Variants in CNTN5 observed in about 807,000 individuals in gnomAD.
CNTN5 encodes the protein contactin-5.
In CNTN5, 77 loss-of-function variants were observed where a neutral mutation model predicts 129.1. The observed-to-expected ratio is 0.60, with a 90% CI of 0.50 to 0.72. The LOEUF is 0.72. Among genes scored for constraint, CNTN5 ranks in the 30% least tolerant of loss-of-function variants. The pLI, the probability that CNTN5 is intolerant of heterozygous loss-of-function variation, is 0.00. For missense variants in CNTN5, 1,478 were observed against 1,328.8 expected, an observed-to-expected ratio of 1.11 and a Z score of -1.75; for synonymous variants, 509 against 465.6, an observed-to-expected ratio of 1.09 and a Z score of -1.20.
chr11:99,692,202 A>G lies in CNTN5; in HGVS notation c.56-127342A>G, dbSNP rs543962208. On this transcript the variant is annotated intron_variant, in intron 3 of 24. Transcript: ENST00000524871. ...TTCGTGGTTCTTTATCCAACGTGCCACTCTGTGTCTTTTAATTGGGGCATT... is the reference window on the plus strand; with the variant it reads ...TTCGTGGTTCTTTATCCAACGTGCCGCTCTGTGTCTTTTAATTGGGGCATT... Among the ~76,000 whole-genome samples, 17 of 152,042 alleles carry G rather than the reference A, an allele frequency of 1.1e-4. No individual in the cohort carries two copies. The South Asian group carries it at 3.5e-3, about 32-fold the overall frequency.
intron 9 of CNTN5, among the ~76,000 whole-genome samples, chr11:100,015,635 T>C (rs1046694008): frequency 6.6e-6 from 1 of 152,192 alleles, no homozygotes; most frequent in African/African-American, 2.4e-5. Context: ...CTCTGGGTGG[T>C]GGTACGGAAA....
chr11:99,571,630 A>G (rs890172721), intron 3 of CNTN5, among the ~76,000 whole-genome samples: 3 of 152,202 alleles, frequency 2.0e-5, no homozygotes, highest in Non-Finnish European at 1.5e-5. Context: ...TCACTGAATT[A>G]ATTATTGCTT....
At chr11:99,382,016 G>A (rs1438705349) in intron 2 of CNTN5, among the ~76,000 whole-genome samples, 9 of 151,838 alleles carry the variant, frequency 5.9e-5, no homozygotes, top group African/African-American at 2.2e-4. Flanking sequence ...ACAAAAAACT[G>A]CAAGCTCTTG....
chr11:99,224,236 T>A (rs1860556983), intron 1 of CNTN5, among the ~76,000 whole-genome samples: 2 of 152,322 alleles, frequency 1.3e-5, no homozygotes, highest in South Asian at 4.1e-4. Context: ...AGAACTATAT[T>A]TCTATTTTTC....
Position 99,481,102 on chromosome 11 carries a change from T to TA in CNTN5, c.-70-75033dup, listed in dbSNP as rs1043295082. Among the ~76,000 whole-genome samples the TA allele has an allele frequency of 2.8e-3, 420 of 149,966 alleles. 2 individuals carry two copies. The highest frequency in any genetic ancestry group is 9.1e-3 in the African/African-American group (374 of 40,946). On this transcript the variant is annotated intron_variant, in intron 2 of 24. Coordinates refer to ENST00000524871, the MANE Select transcript of CNTN5 (RefSeq NM_014361.4). ...CTCAGTTCCACAGAGGATTGGCATT[T>TA]AAAAAAAAAAGAATATTGCAAGGAT...
chr11:99,790,248 A>T (rs1158476457), intron 3 of CNTN5, among the ~76,000 whole-genome samples: 2 of 152,042 alleles, frequency 1.3e-5, no homozygotes, highest in African/African-American at 4.8e-5. Context: ...TGTGTTTCAT[A>T]GGAGTTTGGT....
intron 1 of CNTN5, among the ~76,000 whole-genome samples, chr11:99,223,621 A>G (rs1347937542): frequency 6.6e-6 from 1 of 152,178 alleles, no homozygotes; most frequent in Non-Finnish European, 1.5e-5. Flanking sequence ...CCCTGTTTGC[A>G]TCATTCCAAC....
chr11:99,155,616 A>C (rs977665680), intron 1 of CNTN5, among the ~76,000 whole-genome samples: 1 of 152,168 alleles, frequency 6.6e-6, no homozygotes, highest in African/African-American at 2.4e-5. Context: ...TGGTAACTGA[A>C]ATTTAAATTT....
At chr11:99,980,976 CT>C (rs913470054) in intron 8 of CNTN5, among the ~76,000 whole-genome samples, 3 of 150,410 alleles carry the variant, frequency 2.0e-5, no homozygotes, top group South Asian at 4.2e-4. Context: ...TTAAAAGTAA[CT>C]TTTTTTCATA....
At chr11:100,091,858 AT>A (rs1461737188) in intron 13 of CNTN5, among the ~76,000 whole-genome samples, 4 of 152,086 alleles carry the variant, frequency 2.6e-5, no homozygotes, top group Non-Finnish European at 4.4e-5. Context: ...TTTTAAATGA[AT>A]TTTTGGAGTA....
intron 1 of CNTN5, among the ~76,000 whole-genome samples, chr11:99,144,950 T>G (rs1192404806): frequency 6.6e-6 from 1 of 152,194 alleles, no homozygotes; most frequent in Non-Finnish European, 1.5e-5. Context: ...CTTTTATTCC[T>G]TCAGAGGTGT....
chr11:99,077,298 A>G (rs540806424), intron 1 of CNTN5, among the ~76,000 whole-genome samples: 1 of 150,206 alleles, frequency 6.7e-6, no homozygotes, highest in Non-Finnish European at 1.5e-5. Context: ...AATTACAAGC[A>G]CAATGCTACT....
At chr11:100,217,004 C>T (rs564193283) in intron 15 of CNTN5, among the ~76,000 whole-genome samples, 2 of 152,298 alleles carry the variant, frequency 1.3e-5, no homozygotes, top group African/African-American at 4.8e-5. Flanking sequence ...CTAAACTCTT[C>T]AGCCCCATTT....
chr11:100,203,511 A>G (rs1373338931), intron 15 of CNTN5, among the ~76,000 whole-genome samples: 1 of 152,022 alleles, frequency 6.6e-6, no homozygotes, highest in Non-Finnish European at 1.5e-5. Context: ...TGTTTTATGC[A>G]GTTTTGGCCA....
intron 8 of CNTN5, among the ~76,000 whole-genome samples, chr11:99,976,606 ACT>A (rs1217040347): frequency 1.3e-5 from 2 of 152,184 alleles, no homozygotes; most frequent in African/African-American, 2.4e-5. Context: ...TGGGGCTTTC[ACT>A]CTCTGAAGCA....
intron 1 of CNTN5, among the ~76,000 whole-genome samples, chr11:99,313,080 G>A (rs1050199743): frequency 1.3e-5 from 2 of 151,424 alleles, no homozygotes; most frequent in African/African-American, 2.4e-5. Flanking sequence ...CTTCCTCTCA[G>A]GTGACATCTC....
At chr11:100,233,253 A>G (rs1949532403) in intron 16 of CNTN5, among the ~76,000 whole-genome samples, 1 of 152,156 alleles carries the variant, frequency 6.6e-6, no homozygotes, top group African/African-American at 2.4e-5. Flanking sequence ...GGAAGAAAAA[A>G]AGGAAAAAGA....
rs893533144 is a variant in CNTN5 at position 99,241,087 on chromosome 11, C to T, written c.-209-84259C>T. ...AGGTATTTTTATTTTGTAATTATAA[C>T]CTGTCTGTAGTAGAATTAATCTTTC... On this transcript the variant is annotated intron_variant, in intron 1 of 24. Coordinates refer to ENST00000524871, the MANE Select transcript of CNTN5 (RefSeq NM_014361.4). Among the ~76,000 whole-genome samples the T allele has an allele frequency of 2.0e-5, 3 of 152,186 alleles. No individual in the cohort carries two copies. The South Asian group carries it at 6.2e-4, about 32-fold the overall frequency.
chr11:99,344,895 T>A (rs944239203), intron 2 of CNTN5, among the ~76,000 whole-genome samples: 2 of 152,200 alleles, frequency 1.3e-5, no homozygotes, highest in East Asian at 3.8e-4. Context: ...CATAGTATAT[T>A]TTAAGTCACT....
Sources: gnomAD v4.1 joint callset for allele counts (sites outside exome capture counted in the v4.1 genomes callset) on GRCh38, gnomAD v4.1.1 for gene constraint, MANE v1.5 for transcripts, NCBI Gene and HGNC (gene_info 2026-07-23, HGNC 2026-07-21) for gene names.